Variants in PTPN4 observed in about 807,000 individuals in gnomAD.
PTPN4 encodes tyrosine-protein phosphatase non-receptor type 4.
Under a neutral mutation model 135.5 loss-of-function variants are expected in PTPN4, and 49 were observed. The observed-to-expected ratio is 0.36, with a 90% CI of 0.29 to 0.46. The LOEUF (loss-of-function observed/expected upper bound fraction) is 0.46. Ranked by LOEUF, PTPN4 falls within the 20% of genes least tolerant of loss-of-function variation. The pLI is 1.00. For synonymous variants in PTPN4, 333 were observed against 369.9 expected (o/e 0.90, Z 1.14); for missense variants, 860 against 1,101.0 (o/e 0.78, Z 3.10).
At chr2:119,901,840 A>G (rs906907615) in intron 10 of PTPN4, among the ~76,000 whole-genome samples, 36 of 152,238 alleles carry the variant, frequency 2.4e-4, no homozygotes, top group African/African-American at 8.2e-4. Flanking sequence ...AACAGAAATG[A>G]AGAATGCCTT....
At chr2:119,966,431 AT>A (rs959977604) in intron 25 of PTPN4, among the ~76,000 whole-genome samples, 1 of 151,856 alleles carries the variant, frequency 6.6e-6, no homozygotes, top group African/African-American at 2.4e-5. Context: ...TAATTTTTGT[AT>A]TTTTTTGTAA....
At position 119,952,030 on chromosome 2, in the gene PTPN4, C is replaced by T. The variant is rs1179779195; in HGVS notation, c.1714C>T (p.Arg572Trp). ...GGACCAAGTTGTACTGATCAATGGTCGGGACATTGCAGAACACACTCATGA... is the reference window on the plus strand; with the variant it reads ...GGACCAAGTTGTACTGATCAATGGTTGGGACATTGCAGAACACACTCATGA... ...EGDQVVLING[R>W]DIAEHTHDQV... Residue 572 changes from arginine to tryptophan, a missense_variant, in exon 19 of 27, where the codon CGG becomes TGG. By Grantham distance (101) the Arg-to-Trp change is moderately radical. Transcript: ENST00000263708. The T allele has an allele frequency of 1.1e-5, 17 of 1,613,004 alleles. No homozygotes were observed. Among genetic ancestry groups the T allele is most frequent in the African/African-American group, 2.7e-5 (2 of 74,838 alleles).
At chr2:119,809,125 A>G (rs62167251) in intron 1 of PTPN4, among the ~76,000 whole-genome samples, 35 of 151,992 alleles carry the variant, frequency 2.3e-4, no homozygotes, top group Admixed American at 1.3e-3. Context: ...TTCTAGGTAT[A>G]TAAGTCAGTG....
In PTPN4 at chr2:119,956,924, T is replaced by G; in HGVS notation, c.2061T>G (p.Asp687Glu). The change falls in exon 21 of 27, where the codon GAT becomes GAG. Residue 687 changes from aspartate to glutamate, a missense_variant. By Grantham distance (45) the Asp-to-Glu change is conservative. Coordinates refer to ENST00000263708, the MANE Select transcript of PTPN4 (RefSeq NM_002830.4). Reference protein sequence around the residue: ...PQNISKNRYRDISPYDATRVI... With the variant: ...PQNISKNRYREISPYDATRVI... ...ATATTTCCAAAAATAGATACAGAGA[T>G]ATTTCGCCTTGTAAGTATCTTATTG... 1 of 1,610,154 alleles carries G rather than the reference T, an allele frequency of 6.2e-7. No individual in the cohort carries two copies. Among genetic ancestry groups the G allele is most frequent in the Non-Finnish European group, 8.5e-7 (1 of 1,179,208 alleles).
At chr2:119,825,683 A>G (rs567177281) in intron 2 of PTPN4, among the ~76,000 whole-genome samples, 2 of 152,062 alleles carry the variant, frequency 1.3e-5, no homozygotes, top group Admixed American at 6.5e-5. Flanking sequence ...TTTAGTAGAG[A>G]CAGGGTTTCA....
At chr2:119,932,198 A>G (rs778302873) in intron 13 of PTPN4, 15 of 292,394 alleles carry the variant, frequency 5.1e-5, no homozygotes, top group African/African-American at 2.0e-4. Context: ...CTTATTGTCT[A>G]TCTTACTCTT....
chr2:119,932,288 G>A (rs1212490249), intron 13 of PTPN4, 136 bp from the exon 14 acceptor site: 4 of 810,280 alleles, frequency 4.9e-6, no homozygotes, highest in Non-Finnish European at 5.5e-6. Flanking sequence ...GCCTCTAAAT[G>A]CATTAATTTT....
At chr2:119,880,371 T>G (rs772910176) in intron 5 of PTPN4, among the ~76,000 whole-genome samples, 1 of 152,184 alleles carries the variant, frequency 6.6e-6, no homozygotes, top group Non-Finnish European at 1.5e-5. Flanking sequence ...AGGATATGCA[T>G]GACCTTTAAA....
chr2:119,972,808 T>C (rs771748446), intron 26 of PTPN4, among the ~76,000 whole-genome samples: 1 of 152,168 alleles, frequency 6.6e-6, no homozygotes, highest in Non-Finnish European at 1.5e-5. Flanking sequence ...ATCTGAGATA[T>C]CATGTGGTTT....
At chr2:119,950,116 T>C (rs1442809889) in intron 18 of PTPN4, among the ~76,000 whole-genome samples, 1 of 152,150 alleles carries the variant, frequency 6.6e-6, no homozygotes, top group African/African-American at 2.4e-5. Flanking sequence ...AGACCACCTC[T>C]TTTTTTCTGC....
rs138956450 is a variant in PTPN4 at position 119,801,570 on chromosome 2, A to G, written c.-17-8267A>G. 5.0e-3 allele frequency among the ~76,000 whole-genome samples: 754 copies of G among 152,156 alleles called. 12 individuals are homozygous for G. Among genetic ancestry groups the G allele is most frequent in the African/African-American group, 0.017 (721 of 41,510 alleles). On this transcript the variant is annotated intron_variant, in intron 1 of 26. Coordinates refer to ENST00000263708, the MANE Select transcript of PTPN4 (RefSeq NM_002830.4). ...TCTCCATTTATTTAGATTTTCTTCAATTTTTTTATCAGCATTTTGTAGTTT... is the reference window on the plus strand; with the variant it reads ...TCTCCATTTATTTAGATTTTCTTCAGTTTTTTTATCAGCATTTTGTAGTTT...
intron 1 of PTPN4, among the ~76,000 whole-genome samples, chr2:119,764,260 G>C (rs1407513385): frequency 1.3e-5 from 2 of 152,154 alleles, no homozygotes; most frequent in African/African-American, 4.8e-5. Flanking sequence ...ATGGAACAAA[G>C]TTTGAATCTT....
intron 12 of PTPN4, among the ~76,000 whole-genome samples, chr2:119,923,647 A>G (rs891612619): frequency 1.3e-5 from 2 of 152,114 alleles, no homozygotes; most frequent in African/African-American, 4.8e-5. Flanking sequence ...AATCCTGATT[A>G]AAAAAATAAC....
chr2:119,904,286 A>T (rs529064049), intron 10 of PTPN4, among the ~76,000 whole-genome samples: 1 of 152,270 alleles, frequency 6.6e-6, no homozygotes, highest in Non-Finnish European at 1.5e-5. Context: ...ATACAATAGA[A>T]AGCATCAACA....
At chr2:119,958,432 A>G (rs919077269) in intron 22 of PTPN4, among the ~76,000 whole-genome samples, 1 of 151,646 alleles carries the variant, frequency 6.6e-6, no homozygotes, top group Non-Finnish European at 1.5e-5. Context: ...TCATTTTTAA[A>G]TTTATACAAA....
At chr2:119,864,459 A>G (rs968141516) in intron 3 of PTPN4, among the ~76,000 whole-genome samples, 5 of 152,134 alleles carry the variant, frequency 3.3e-5, no homozygotes, top group Non-Finnish European at 7.4e-5. Context: ...TACCTCGTGA[A>G]GAGAAAAAAT....
intron 26 of PTPN4, among the ~76,000 whole-genome samples, chr2:119,970,024 T>C (rs1436040004): frequency 1.3e-5 from 2 of 152,138 alleles, no homozygotes; most frequent in Non-Finnish European, 2.9e-5. Flanking sequence ...TACAGAGGCT[T>C]GCAACTATTG....
chr2:119,950,724 G>C (rs1034394551), intron 18 of PTPN4, among the ~76,000 whole-genome samples: 4 of 152,018 alleles, frequency 2.6e-5, no homozygotes, highest in South Asian at 2.1e-4. Context: ...ACTCTCATAT[G>C]TTTTCATTGC....
chr2:119,947,040 T>C (rs1360336220), intron 18 of PTPN4, among the ~76,000 whole-genome samples: 1 of 152,184 alleles, frequency 6.6e-6, no homozygotes, highest in Non-Finnish European at 1.5e-5. Flanking sequence ...AAAACTTATA[T>C]ATCCATTATG....
Sources: gnomAD v4.1 joint callset for allele counts (sites outside exome capture counted in the v4.1 genomes callset) on GRCh38, gnomAD v4.1.1 for gene constraint, MANE v1.5 for transcripts, NCBI Gene and HGNC (gene_info 2026-07-23, HGNC 2026-07-21) for gene names.